The following MAD1L1 variants were observed in gnomAD, a reference collection of about 807,000 sequenced individuals.
MAD1L1 encodes the protein mitotic spindle assembly checkpoint protein MAD1.
A neutral mutation model predicts 96.9 loss-of-function variants in MAD1L1; 95 were observed. That is an observed-to-expected ratio of 0.98 (90% confidence interval 0.83 to 1.16). MAD1L1 has a LOEUF of 1.16. Ranked by LOEUF, MAD1L1 falls within the 50% of genes most tolerant of loss-of-function variation. The pLI is 0.00. For missense variants in MAD1L1, 1,007 were observed against 954.4 expected (o/e 1.06, Z -0.73); for synonymous variants, 473 against 396.6 (o/e 1.19, Z -2.29).
In MAD1L1 at chr7:2,103,896, C is replaced by A. The variant is rs1037266183; in HGVS notation, c.1074-34558G>T. Among the ~76,000 whole-genome samples, 4 of 152,180 alleles carry A rather than the reference C, an allele frequency of 2.6e-5. No homozygotes were observed. The highest frequency in any genetic ancestry group is 1.3e-4 in the Admixed American group (2 of 15,270). On this transcript the variant is annotated intron_variant, in intron 11 of 18. Coordinates refer to ENST00000265854, the MANE Select transcript of MAD1L1 (RefSeq NM_001013836.2). The surrounding 1 kb of genome is among the most constrained non-coding windows in gnomAD (Gnocchi z 4.3). The stretch of plus-strand genomic sequence containing the variant: ...GCGGGGAGACCACCAGTTCTGATGC[C>A]ACGCCATACAACACTCCACCCCGCT...
At position 2,103,038 on chromosome 7, in the gene MAD1L1, C is replaced by G. The variant is rs927540934; in HGVS notation, c.1074-33700G>C. Among the ~76,000 whole-genome samples the G allele has an allele frequency of 3.9e-5, 6 of 152,244 alleles. No individual in the cohort carries two copies. Among genetic ancestry groups the G allele is most frequent in the Non-Finnish European group, 4.4e-5 (3 of 68,048 alleles). On this transcript the variant is annotated intron_variant, in intron 11 of 18. Transcript: ENST00000265854. This position sits in a 1 kb window ranked among gnomAD's most constrained non-coding sequence, Gnocchi z 4.3. ...GAGGCAGCCTCCGTGATGCTGCCAA[C>G]ACCTGGGTCAGCGCTGGGTCAGGCC...
At chr7:1,943,125 A>G (rs976382407) in intron 16 of MAD1L1, among the ~76,000 whole-genome samples, 2 of 152,254 alleles carry the variant, frequency 1.3e-5, no homozygotes, top group Non-Finnish European at 2.9e-5. Context: ...AAACTAAGTA[A>G]CAATGGATCC....
At chr7:2,051,747 C>G (rs181656702) in intron 12 of MAD1L1, among the ~76,000 whole-genome samples, 1 of 131,392 alleles carries the variant, frequency 7.6e-6, no homozygotes, top group Non-Finnish European at 1.6e-5. Context: ...TTGCTTTCCA[C>G]CCCCCACCAC....
In MAD1L1 at chr7:2,112,863, GA is replaced by G. The variant is rs34896625; in HGVS notation, c.1073+36288del. On this transcript the variant is annotated intron_variant, in intron 11 of 18. Coordinates refer to ENST00000265854, the MANE Select transcript of MAD1L1 (RefSeq NM_001013836.2). ...AGCATCCTGCAGTGCCAGATAGTTT[GA>G]AAAAAAAAAAAGGCTTTAAAAAAAG... 5.3e-3 allele frequency among the ~76,000 whole-genome samples: 733 copies of G among 137,384 alleles called. 5 individuals carry two copies. The highest frequency in any genetic ancestry group is 0.015 in the African/African-American group (576 of 37,538). 90.1% of individuals were successfully genotyped at this position (137,384 alleles called of 152,430 possible).
intron 18 of MAD1L1, among the ~76,000 whole-genome samples, chr7:1,874,255 G>A (rs1771385918): frequency 6.6e-6 from 1 of 152,186 alleles, no homozygotes; most frequent in South Asian, 2.1e-4. Context: ...ATCAGCTTTG[G>A]GGAGGTGACA....
chr7:2,093,915 A>G (rs1044936955), intron 11 of MAD1L1, among the ~76,000 whole-genome samples: 7 of 152,206 alleles, frequency 4.6e-5, no homozygotes, highest in Admixed American at 1.3e-4. Flanking sequence ...CGGCAGTCGG[A>G]ACCCCCAGAA....
chr7:2,192,012 C>T (rs892336649), intron 10 of MAD1L1, among the ~76,000 whole-genome samples: 12 of 151,248 alleles, frequency 7.9e-5, no homozygotes, highest in Non-Finnish European at 1.6e-4. Flanking sequence ...GCCTGGGTGA[C>T]AGAGCGAGCC....
At chr7:2,139,009 G>A (rs1788891362) in intron 11 of MAD1L1, among the ~76,000 whole-genome samples, 1 of 152,158 alleles carries the variant, frequency 6.6e-6, no homozygotes, top group African/African-American at 2.4e-5. Context: ...ATGCATCGGA[G>A]AGGCCCAAGG....
intron 17 of MAD1L1, among the ~76,000 whole-genome samples, chr7:1,915,846 G>A (rs1420196029): frequency 6.6e-6 from 1 of 152,172 alleles, no homozygotes; most frequent in Non-Finnish European, 1.5e-5. Context: ...ATTCAACACT[G>A]GGGTCAGCAG....
At chr7:1,935,605 T>C (rs187643703) in intron 17 of MAD1L1, among the ~76,000 whole-genome samples, 8 of 152,290 alleles carry the variant, frequency 5.3e-5, no homozygotes, top group Admixed American at 2.0e-4. Context: ...TCACTCCTGA[T>C]ACATCAGCCT....
chr7:2,201,388 A>G (rs1792288832), intron 10 of MAD1L1, among the ~76,000 whole-genome samples: 2 of 152,064 alleles, frequency 1.3e-5, no homozygotes, highest in African/African-American at 2.4e-5. Flanking sequence ...TCTACCTGTA[A>G]AAGTAGGGAC....
intron 6 of MAD1L1, among the ~76,000 whole-genome samples, chr7:2,218,427 G>A (rs1373934410): frequency 6.6e-6 from 1 of 152,198 alleles, no homozygotes; most frequent in African/African-American, 2.4e-5. Flanking sequence ...TCTCTACTAC[G>A]GAACTAGAAC....
intron 12 of MAD1L1, among the ~76,000 whole-genome samples, chr7:2,019,380 G>A (rs868420640): frequency 2.1e-4 from 32 of 152,288 alleles, no homozygotes; most frequent in African/African-American, 7.0e-4. Flanking sequence ...AGGCGAAAGC[G>A]GCAGTAATAA....
intron 17 of MAD1L1, among the ~76,000 whole-genome samples, chr7:1,932,749 T>G (rs1177738729): frequency 2.0e-5 from 3 of 152,238 alleles, no homozygotes; most frequent in Non-Finnish European, 4.4e-5. Flanking sequence ...GCTGCGTCCT[T>G]CCTTCAGGGA....
At chr7:2,221,017 A>AG (rs1793577020) in intron 5 of MAD1L1, 1 of 1,612,054 alleles carries the variant, frequency 6.2e-7, no homozygotes, top group African/African-American at 1.3e-5. Flanking sequence ...CGTGACAATC[A>AG]GGACCCTGTG....
At chr7:1,914,405 A>C (rs947942380) in intron 17 of MAD1L1, among the ~76,000 whole-genome samples, 1 of 152,226 alleles carries the variant, frequency 6.6e-6, no homozygotes, top group African/African-American at 2.4e-5. Flanking sequence ...GGGAGGCAGG[A>C]AAGTCGGCTA....
intron 11 of MAD1L1, among the ~76,000 whole-genome samples, chr7:2,090,765 G>A (rs1051328183): frequency 1.3e-5 from 2 of 152,188 alleles, no homozygotes; most frequent in Admixed American, 6.6e-5. Flanking sequence ...TCATCCCTTG[G>A]AGCCCGGGCG....
chr7:1,911,122 C>T (rs966403402), intron 17 of MAD1L1, among the ~76,000 whole-genome samples: 2 of 152,164 alleles, frequency 1.3e-5, no homozygotes, highest in African/African-American at 4.8e-5. Context: ...TGGGCGGCCG[C>T]CTCTCCCTCC....
chr7:2,194,151 C>A (rs571607952), intron 10 of MAD1L1, among the ~76,000 whole-genome samples: 1 of 152,060 alleles, frequency 6.6e-6, no homozygotes, highest in African/African-American at 2.4e-5. Flanking sequence ...GAGATGAGGT[C>A]TCACTATGTT....
Sources: allele counts gnomAD v4.1 joint callset (sites outside exome capture counted in the v4.1 genomes callset), GRCh38; gene constraint gnomAD v4.1.1; non-coding constraint Gnocchi (gnomAD v3.1); transcripts MANE v1.5; gene names NCBI Gene and HGNC (gene_info 2026-07-23, HGNC 2026-07-21).